ELP4: variants seen among roughly 807,000 people sequenced by gnomAD.
The protein encoded by ELP4 is elongator acetyltransferase complex subunit 4.
ELP4 carries 51 observed loss-of-function variants against 48.9 expected under a neutral mutation model. The ratio of observed to expected loss-of-function variants is 1.04; its 90% CI spans 0.83 to 1.32. ELP4 has a LOEUF of 1.32. Among genes scored for constraint, ELP4 ranks in the 40% most tolerant of loss-of-function variants. The pLI, the probability that ELP4 is intolerant of heterozygous loss-of-function variation, is 0.00. For missense variants in ELP4, 519 were observed against 514.6 expected (o/e 1.01, Z -0.08); for synonymous variants, 210 against 189.2 (o/e 1.11, Z -0.90).
chr11:31,730,879 A>G (rs2862802), intron 9 of ELP4, among the ~76,000 whole-genome samples: 46,274 of 151,930 alleles, frequency 0.3, 7,712 homozygotes, highest in African/African-American at 0.45. Flanking sequence ...GGGGTCACTG[A>G]GAACAAAAAA....
intron 3 of ELP4, among the ~76,000 whole-genome samples, chr11:31,553,720 A>G (rs956706416): frequency 8.4e-6 from 1 of 119,642 alleles, no homozygotes. Flanking sequence ...CTCTTTGCAC[A>G]CACAAACACA....
chr11:31,577,193 G>T (rs1378194401), intron 3 of ELP4, among the ~76,000 whole-genome samples: 2 of 152,122 alleles, frequency 1.3e-5, no homozygotes, highest in African/African-American at 4.8e-5. Flanking sequence ...AGAAGAAATG[G>T]ATAAATTCCT....
intron 9 of ELP4, among the ~76,000 whole-genome samples, chr11:31,720,214 G>A (rs766723135): frequency 2.0e-5 from 3 of 151,988 alleles, no homozygotes; most frequent in Middle Eastern, 3.2e-3. Flanking sequence ...ACAAAAACTC[G>A]GAACTTAATA....
intron 3 of ELP4, among the ~76,000 whole-genome samples, chr11:31,554,229 G>A (rs559385296): frequency 6.6e-6 from 1 of 152,126 alleles, no homozygotes; most frequent in African/African-American, 2.4e-5. Flanking sequence ...TAATGCTCTT[G>A]AATCATCCAG....
rs147378482 is a variant in ELP4 at position 31,596,977 on chromosome 11, A to G, written c.513+2076A>G. Among the ~76,000 whole-genome samples, 360 of 152,302 alleles carry G rather than the reference A, an allele frequency of 2.4e-3. 3 individuals carry two copies. Among genetic ancestry groups the G allele is most frequent in the African/African-American group, 8.3e-3 (345 of 41,578 alleles). ...CTATTTTTCTCTTATCAAATTGACA[A>G]TGATCTAACTTGGTAAGACACTGTA... On this transcript the variant is annotated intron_variant, in intron 4 of 9. Transcript: ENST00000640961.
At chr11:31,570,842 C>T (rs1957182684) in intron 3 of ELP4, among the ~76,000 whole-genome samples, 1 of 146,084 alleles carries the variant, frequency 6.8e-6, no homozygotes, top group African/African-American at 2.6e-5. Flanking sequence ...CTCTGTCGCC[C>T]ATGCTGGAGT....
intron 9 of ELP4, among the ~76,000 whole-genome samples, chr11:31,688,089 T>A (rs894451189): frequency 2.6e-5 from 4 of 152,082 alleles, no homozygotes; most frequent in African/African-American, 9.7e-5. Context: ...GAGCAAGAGG[T>A]TATTTATGTT....
chr11:31,758,922 CAGAAGTTTTTAAT>C lies in ELP4; in HGVS notation c.1144-24466_1144-24454del, dbSNP rs1275543586. Among the ~76,000 whole-genome samples, 8 of 152,160 alleles carry C rather than the reference CAGAAGTTTTTAAT, an allele frequency of 5.3e-5. No homozygotes were observed. In the East Asian group the frequency reaches 1.5e-3, roughly 29 times the overall value. ...ACCTAAGTGAGCCACCACACCCAGC[CAGAAGTTTTTAAT>C]AGAAAATTTTTAAAACGTTTAATGA... On this transcript the variant is annotated intron_variant, in intron 9 of 9. Transcript: ENST00000640961.
rs753678395 is a variant in ELP4, at chr11:31,515,001, ATGTG to A, written c.223+5024_224-5022del. Among the ~76,000 whole-genome samples, 1,020 of 131,946 alleles carry A rather than the reference ATGTG, an allele frequency of 7.7e-3. 8 individuals are homozygous for A. Among genetic ancestry groups the A allele is most frequent in the Non-Finnish European group, 0.011 (712 of 61,960 alleles). 86.6% of individuals were successfully genotyped at this position (131,946 alleles called of 152,430 possible). On this transcript the variant is annotated intron_variant, in intron 1 of 9. Coordinates refer to ENST00000640961, the MANE Select transcript of ELP4 (RefSeq NM_019040.5). ...ATAGAGAAATTTTGCTGCTGTATGC[ATGTG>A]TGTGTGTGTGTGTGTGTGTGTGTGT...
intron 5 of ELP4, among the ~76,000 whole-genome samples, chr11:31,612,052 G>A (rs1466973978): frequency 6.6e-6 from 1 of 152,136 alleles, no homozygotes; most frequent in South Asian, 2.1e-4. Flanking sequence ...GGATTTAAAC[G>A]GCCAATGTGG....
chr11:31,778,383 C>T (rs1279503967), intron 9 of ELP4, among the ~76,000 whole-genome samples: 2 of 152,138 alleles, frequency 1.3e-5, no homozygotes, highest in African/African-American at 4.8e-5. Context: ...ACTCAGATTC[C>T]AGGCAGACTG....
chr11:31,575,497 C>G (rs904113320), intron 3 of ELP4, among the ~76,000 whole-genome samples: 1 of 152,036 alleles, frequency 6.6e-6, no homozygotes, highest in Non-Finnish European at 1.5e-5. Context: ...GTCAGACTCA[C>G]CAAAGTTGAA....
chr11:31,593,418 AT>A (rs1289957241), intron 3 of ELP4, among the ~76,000 whole-genome samples: 2 of 151,862 alleles, frequency 1.3e-5, no homozygotes, highest in East Asian at 3.9e-4. Context: ...ATCTTTTTGT[AT>A]TTTTTGTAGA....
intron 4 of ELP4, among the ~76,000 whole-genome samples, chr11:31,601,009 A>G (rs1461519692): frequency 6.6e-6 from 1 of 152,186 alleles, no homozygotes; most frequent in East Asian, 1.9e-4. Flanking sequence ...AAGGTAGTTT[A>G]TGAACGTGAA....
intron 9 of ELP4, chr11:31,714,607 T>C (rs1448296955): frequency 2.5e-6 from 1 of 398,422 alleles, no homozygotes. Context: ...ACAATACAAA[T>C]TTATTTTCCT....
intron 9 of ELP4, among the ~76,000 whole-genome samples, chr11:31,771,960 C>T (rs186109968): frequency 7.1e-4 from 107 of 151,702 alleles, no homozygotes; most frequent in Non-Finnish European, 1.2e-3. Flanking sequence ...CCAGCCTGGG[C>T]GACAGAGCGA....
intron 9 of ELP4, among the ~76,000 whole-genome samples, chr11:31,709,867 A>G (rs1335454023): frequency 6.6e-6 from 1 of 152,208 alleles, no homozygotes; most frequent in African/African-American, 2.4e-5. Flanking sequence ...TAAGATAATA[A>G]TAGATTAAAT....
At chr11:31,664,214 TG>T (rs1945622323) in intron 9 of ELP4, 1 of 152,166 alleles carries the variant, frequency 6.6e-6, no homozygotes, top group South Asian at 2.1e-4. Flanking sequence ...GGGGTTTTGT[TG>T]TCAGAGTAGT....
intron 9 of ELP4, among the ~76,000 whole-genome samples, chr11:31,679,847 G>A (rs539189261): frequency 2.6e-5 from 4 of 152,218 alleles, no homozygotes; most frequent in South Asian, 2.1e-4. Flanking sequence ...TTTGGATTAC[G>A]TTGAATTTAT....
Sources: allele counts gnomAD v4.1 joint callset (sites outside exome capture counted in the v4.1 genomes callset), GRCh38; gene constraint gnomAD v4.1.1; transcripts MANE v1.5; gene names NCBI Gene and HGNC (gene_info 2026-07-23, HGNC 2026-07-21).